Variants in CHN1 observed in about 807,000 individuals in gnomAD.
CHN1 encodes the protein chimerin 1.
Under a neutral mutation model 59.5 loss-of-function variants are expected in CHN1, and 37 were observed. That is an observed-to-expected ratio of 0.62 (90% CI 0.48 to 0.82). The LOEUF (loss-of-function observed/expected upper bound fraction) is 0.82. Among genes scored for constraint, CHN1 ranks in the 40% least tolerant of loss-of-function variants. The pLI, the probability that CHN1 is intolerant of heterozygous loss-of-function variation, is 0.00. For synonymous variants in CHN1, 206 were observed against 200.4 expected (o/e 1.03, Z -0.24); for missense variants, 469 against 571.0 (o/e 0.82, Z 1.82).
At chr2:174,891,161 A>AG (rs1688037528) in intron 5 of CHN1, among the ~76,000 whole-genome samples, 1 of 149,616 alleles carries the variant, frequency 6.7e-6, no homozygotes, top group Admixed American at 6.7e-5. Context: ...AAAAAAAAAA[A>AG]AAAAGAAAAA....
chr2:174,807,173 G>C (rs1175659401), intron 11 of CHN1, among the ~76,000 whole-genome samples: 1 of 152,166 alleles, frequency 6.6e-6, no homozygotes, highest in Admixed American at 6.6e-5. Context: ...TGGGTGTGGG[G>C]AAGGAAGGAG....
rs529935785 is a variant in CHN1, at chr2:174,878,101, C to T, written c.288G>A (p.Arg96=). The T allele has an allele frequency of 6.4e-7, 1 of 1,550,722 alleles. No individual in the cohort carries two copies. The highest frequency in any genetic ancestry group is 1.4e-5 in the African/African-American group (1 of 73,528). ...LRFGSQTRNF[R]LYYDGKHFVG... ...CAAAGTGCTTGCCATCGTAGTAGAG[C>T]CTGAAGTTTCTGGTTTGACTTCCAA... is the stretch of plus-strand genomic sequence containing the variant. Residue 96 remains arginine (R), a synonymous_variant, in exon 6 of 13, where the codon AGG becomes AGA. Coordinates refer to ENST00000409900, the MANE Select transcript of CHN1 (RefSeq NM_001822.7).
intron 1 of CHN1, among the ~76,000 whole-genome samples, chr2:174,996,358 C>T (rs182389596): frequency 9.2e-5 from 14 of 152,280 alleles, no homozygotes; most frequent in African/African-American, 3.1e-4. Context: ...TCAAGTGGGT[C>T]AACAGACTTG....
chr2:174,851,314 CTA>C (rs1686721370), intron 6 of CHN1, among the ~76,000 whole-genome samples: 1 of 152,032 alleles, frequency 6.6e-6, no homozygotes, highest in Non-Finnish European at 1.5e-5. Flanking sequence ...AGGTCTCACT[CTA>C]TTGCCCAGAC....
chr2:174,919,422 T>TACAAAA (rs768245878), intron 3 of CHN1, among the ~76,000 whole-genome samples: 71,267 of 151,602 alleles, frequency 0.47, 17,505 homozygotes, highest in African/African-American at 0.6. Flanking sequence ...ACTCCGACTG[T>TACAAAA]TCATAGGAAC....
intron 5 of CHN1, among the ~76,000 whole-genome samples, chr2:174,900,601 T>A (rs1688356524): frequency 6.6e-6 from 1 of 151,964 alleles, no homozygotes; most frequent in Admixed American, 6.6e-5. Context: ...AGGTCAGGAG[T>A]TCGAGACCAA....
chr2:174,846,831 A>G (rs1409791765), intron 7 of CHN1, 49 bp downstream of exon 7: 1 of 1,427,684 alleles, frequency 7.0e-7, no homozygotes, highest in Admixed American at 2.3e-5. Flanking sequence ...AATATTATAT[A>G]TTTCAAGTAA....
intron 6 of CHN1, among the ~76,000 whole-genome samples, chr2:174,854,733 C>T (rs1232040262): frequency 6.6e-6 from 1 of 152,076 alleles, no homozygotes; most frequent in Non-Finnish European, 1.5e-5. Context: ...TTACTTCTGG[C>T]ACAGAAAGGA....
intron 5 of CHN1, among the ~76,000 whole-genome samples, chr2:174,883,527 T>G (rs1268272658): frequency 6.6e-6 from 1 of 152,130 alleles, no homozygotes; most frequent in East Asian, 1.9e-4. Flanking sequence ...ATCCTATAAT[T>G]GTCAGGCTTC....
chr2:174,862,611 G>A (rs1446362000), intron 6 of CHN1, among the ~76,000 whole-genome samples: 5 of 152,162 alleles, frequency 3.3e-5, no homozygotes, highest in East Asian at 3.8e-4. Context: ...GATTACTGGC[G>A]TGAGCCACTG....
intron 7 of CHN1, among the ~76,000 whole-genome samples, chr2:174,840,328 C>T (rs1200878874): frequency 3.3e-5 from 5 of 151,768 alleles, no homozygotes; most frequent in Non-Finnish European, 7.4e-5. Context: ...TCATACCCAG[C>T]TAATGTTTTA....
intron 5 of CHN1, among the ~76,000 whole-genome samples, chr2:174,906,075 T>A (rs987506023): frequency 2.0e-5 from 3 of 152,174 alleles, no homozygotes; most frequent in African/African-American, 7.2e-5. Context: ...AAAAGGTTAC[T>A]TTTGAGTTAC....
intron 3 of CHN1, among the ~76,000 whole-genome samples, chr2:174,923,241 C>T (rs979500095): frequency 6.6e-6 from 1 of 151,932 alleles, no homozygotes; most frequent in Non-Finnish European, 1.5e-5. Context: ...CCTGGGTTCA[C>T]GCCATTCTCC....
intron 1 of CHN1, among the ~76,000 whole-genome samples, chr2:175,002,505 A>T (rs1004304369): frequency 6.6e-6 from 1 of 152,230 alleles, no homozygotes; most frequent in African/African-American, 2.4e-5. Context: ...AAAATCAGGT[A>T]ATGTTAGAGG....
chr2:175,003,904 G>A (rs1004514992), intron 1 of CHN1, among the ~76,000 whole-genome samples: 4 of 152,162 alleles, frequency 2.6e-5, no homozygotes, highest in Non-Finnish European at 5.9e-5. Flanking sequence ...TTAATTCACT[G>A]GGAAGTATTT....
intron 3 of CHN1, among the ~76,000 whole-genome samples, chr2:174,922,531 A>G (rs1689044050): frequency 1.3e-5 from 2 of 152,068 alleles, no homozygotes; most frequent in Non-Finnish European, 1.5e-5. Context: ...TCTCTACAAA[A>G]TATTTTTAAA....
chr2:174,994,334 T>G (rs1691638629), intron 1 of CHN1, among the ~76,000 whole-genome samples: 1 of 152,180 alleles, frequency 6.6e-6, no homozygotes. Flanking sequence ...TTTTTAAAAA[T>G]GCACAGAAAA....
Position 174,809,872 on chromosome 2 carries a change from C to T in CHN1, c.965-830G>A, listed in dbSNP as rs185169626. ...TTTGACCATGGATCTCTCACTGTACCTGTCACATAAATATCTGTGATTCCA... is the reference window on the plus strand; with the variant it reads ...TTTGACCATGGATCTCTCACTGTACTTGTCACATAAATATCTGTGATTCCA... On this transcript the variant is annotated intron_variant, in intron 10 of 12. Coordinates refer to ENST00000409900, the MANE Select transcript of CHN1 (RefSeq NM_001822.7). Among the ~76,000 whole-genome samples the T allele has an allele frequency of 1.8e-3, 275 of 151,700 alleles. 1 individual carries two copies. The Middle Eastern group carries it at 0.034, about 19-fold the overall frequency.
In CHN1 at chr2:174,798,913, T is replaced by C. The variant is rs1012882073; in HGVS notation, c.*1203A>G. Among the ~76,000 whole-genome samples the C allele has an allele frequency of 5.3e-5, 8 of 152,376 alleles. No individual in the cohort carries two copies. The highest frequency in any genetic ancestry group is 2.1e-4 in the South Asian group (1 of 4,832). On this transcript the variant is annotated 3_prime_UTR_variant, in exon 13 of 13. Transcript: ENST00000409900. ...CACAGAAACAGACTCTGGAGGGTTG[T>C]TGGCTCCAAGCCACACAGGTGGCCA... is the stretch of plus-strand genomic sequence containing the variant.
Sources: gnomAD v4.1 joint callset for allele counts (sites outside exome capture counted in the v4.1 genomes callset) on GRCh38, gnomAD v4.1.1 for gene constraint, MANE v1.5 for transcripts, NCBI Gene and HGNC (gene_info 2026-07-23, HGNC 2026-07-21) for gene names.